The following EXTL3 variants were observed in gnomAD, a reference collection of about 807,000 sequenced individuals.
The protein encoded by EXTL3 is exostosin like glycosyltransferase 3, also known as exostosin-like 3.
EXTL3 carries 27 observed loss-of-function variants against 69.3 expected under a neutral mutation model. The observed-to-expected ratio is 0.39, with a 90% CI of 0.29 to 0.54. The LOEUF is 0.54. Ranked by LOEUF, EXTL3 falls within the 20% of genes least tolerant of loss-of-function variation. The pLI is 0.69. For missense variants in EXTL3, 1,003 were observed against 1,231.8 expected (o/e 0.81, Z 2.78); for synonymous variants, 511 against 499.4 (o/e 1.02, Z -0.31).
At position 28,675,099 on chromosome 8, in the gene EXTL3, A is replaced by G. The variant is rs117850314; in HGVS notation, c.-52-38358A>G. Among the ~76,000 whole-genome samples, 82 of 152,298 alleles carry G rather than the reference A, an allele frequency of 5.4e-4. No individual in the cohort carries two copies. The East Asian group carries it at 0.014, about 26-fold the overall frequency. On this transcript the variant is annotated intron_variant, in intron 1 of 6. Coordinates refer to the EXTL3 transcript ENST00000523149. ...ACAGACAGAAATTCAGGGAATGTGT[A>G]TGGGAATGGATACTATGAGTGTGGG...
upstream of EXTL3, among the ~76,000 whole-genome samples, chr8:28,618,388 T>G (rs906748073): frequency 6.6e-6 from 1 of 151,952 alleles, no homozygotes; most frequent in Non-Finnish European, 1.5e-5. Context: ...CTGAGGGAAC[T>G]ATGGAAAAGA....
rs756057803 is a variant in EXTL3, at chr8:28,737,670, A to C, written c.2421+7A>C. ...TGCTGCCTTCTTTCACAAGGTAAGA[A>C]AAAGCTGGTAATAATGGCATCGACT... On this transcript the variant is annotated splice_region_variant and intron_variant, in intron 5 of 6. Transcript: ENST00000220562. The C allele has an allele frequency of 3.1e-6, 5 of 1,614,144 alleles. No homozygotes were observed. The South Asian group carries it at 5.5e-5, about 18-fold the overall frequency.
chr8:28,719,072 A>G (rs956690379), intron 3 of EXTL3, among the ~76,000 whole-genome samples: 1 of 152,166 alleles, frequency 6.6e-6, no homozygotes, highest in African/African-American at 2.4e-5. Context: ...ATATGTAGTT[A>G]CTTCCTGGCA....
chr8:28,719,320 C>T (rs1363958769), intron 3 of EXTL3, among the ~76,000 whole-genome samples: 1 of 152,152 alleles, frequency 6.6e-6, no homozygotes, highest in Non-Finnish European at 1.5e-5. Context: ...ACTAAGGATT[C>T]TAGAAAGGTG....
chr8:28,737,860 G>T (rs1185447016), intron 5 of EXTL3, among the ~76,000 whole-genome samples, 197 bp downstream of exon 5: 1 of 152,164 alleles, frequency 6.6e-6, no homozygotes, highest in Admixed American at 6.5e-5. Context: ...AAGATGAGAG[G>T]GCTGCCTGTA....
chr8:28,652,401 A>G (rs1364046041), intron 1 of EXTL3, among the ~76,000 whole-genome samples: 3 of 152,068 alleles, frequency 2.0e-5, no homozygotes, highest in Admixed American at 6.6e-5. Context: ...TCATGCCTGT[A>G]AACCCAGCAT....
At chr8:28,613,913 G>A (rs1806300288) in intron 2 of EXTL3, among the ~76,000 whole-genome samples, 1 of 151,490 alleles carries the variant, frequency 6.6e-6, no homozygotes, top group East Asian at 2.0e-4. Flanking sequence ...TTGACCTCCT[G>A]GGCTCAAACG....
Position 28,716,472 on chromosome 8 carries a change from C to G in EXTL3, c.413C>G (p.Thr138Ser). 6.2e-7 allele frequency: 1 copy of G among 1,613,930 alleles called. No homozygotes were observed. Among genetic ancestry groups the G allele is most frequent in the Non-Finnish European group, 8.5e-7 (1 of 1,179,996 alleles). Residue 138 changes from threonine to serine, a missense_variant, in exon 3 of 7, where the codon ACC becomes AGC. Coordinates refer to ENST00000220562, the MANE Select transcript of EXTL3 (RefSeq NM_001440.4). The surrounding 1 kb of genome is among the most constrained non-coding windows in gnomAD (Gnocchi z 7.1). ...CAGCTCAAGAATGTCATCAGCCAGA[C>G]CGAGCATTCCTACAAGGAGCTCATG... ...LLQLKNVISQTEHSYKELMAQ... is the reference protein window; with the variant it reads ...LLQLKNVISQSEHSYKELMAQ...
At chr8:28,609,314 T>A (rs1458776894) in intron 2 of EXTL3, among the ~76,000 whole-genome samples, 2 of 151,824 alleles carry the variant, frequency 1.3e-5, no homozygotes, top group African/African-American at 2.4e-5. Context: ...AAACTTGATA[T>A]GGTGCATATT....
intron 1 of EXTL3, among the ~76,000 whole-genome samples, chr8:28,675,514 T>C (rs1807367068): frequency 6.6e-6 from 1 of 152,182 alleles, no homozygotes; most frequent in Non-Finnish European, 1.5e-5. Flanking sequence ...TACACTCTTC[T>C]ATCTAATAAA....
intron 1 of EXTL3, among the ~76,000 whole-genome samples, chr8:28,653,301 T>G (rs1337066842): frequency 2.6e-5 from 4 of 152,224 alleles, no homozygotes; most frequent in Non-Finnish European, 5.9e-5. Flanking sequence ...TTATACATAT[T>G]TTCTCCCATT....
At chr8:28,613,427 G>A (rs1806295031) in intron 2 of EXTL3, among the ~76,000 whole-genome samples, 1 of 151,996 alleles carries the variant, frequency 6.6e-6, no homozygotes, top group African/African-American at 2.4e-5. Context: ...CGTGACCCAC[G>A]TGCCTCAGCC....
intron 1 of EXTL3, among the ~76,000 whole-genome samples, chr8:28,693,683 G>C (rs1800649187): frequency 6.6e-6 from 1 of 152,170 alleles, no homozygotes; most frequent in Non-Finnish European, 1.5e-5. Context: ...ACAAAAACCA[G>C]CCACTTTTAA....
At position 28,726,981 on chromosome 8, in the gene EXTL3, C is replaced by T. The variant is rs767898008; in HGVS notation, c.2149-4242C>T. ...GTAACCTCCACTTCCTGGGTTCAAG[C>T]GATTCTCCTGCCTCAGCCTCCTGAG... On this transcript the variant is annotated intron_variant, in intron 3 of 6. Coordinates refer to ENST00000220562, the MANE Select transcript of EXTL3 (RefSeq NM_001440.4). Among the ~76,000 whole-genome samples, 9 of 147,908 alleles carry T rather than the reference C, an allele frequency of 6.1e-5. No homozygotes were observed. The East Asian group carries it at 9.9e-4, about 16-fold the overall frequency.
chr8:28,750,994 C>A lies in EXTL3; in HGVS notation c.*128C>A. 1 of 778,012 alleles carries A rather than the reference C, an allele frequency of 1.3e-6. No homozygotes were observed. Among genetic ancestry groups the A allele is most frequent in the Middle Eastern group, 3.5e-4 (1 of 2,818 alleles). The allele number at this position is 778,012 out of a possible 1,614,324, so 48.2% of individuals were successfully genotyped here. ...CCAGAGCCTCTGCTGGAAGGGGCAG[C>A]AGGAGGAGTGGAAGGAAACCGCTGC... is the stretch of plus-strand genomic sequence containing the variant. On this transcript the variant is annotated 3_prime_UTR_variant, in exon 7 of 7. Transcript: ENST00000220562. The surrounding 1 kb of genome is among the most constrained non-coding windows in gnomAD (Gnocchi z 5.2).
rs111388187 is a variant in EXTL3, at chr8:28,709,493, C to T, written c.-569-3964C>T. On this transcript the variant is annotated intron_variant, in intron 1 of 6. Coordinates refer to ENST00000220562, the MANE Select transcript of EXTL3 (RefSeq NM_001440.4). ...GAGCAGTGACTCCCTTCTTCCCTGTCGCGCCTCCTGTCTCTCCTGTCTCTC... is the reference window on the plus strand; with the variant it reads ...GAGCAGTGACTCCCTTCTTCCCTGTTGCGCCTCCTGTCTCTCCTGTCTCTC... 2.4e-4 allele frequency among the ~76,000 whole-genome samples: 36 copies of T among 151,994 alleles called. No individual in the cohort carries two copies. In the East Asian group the frequency reaches 5.6e-3, roughly 24 times the overall value.
At chr8:28,715,217 G>A (rs1266072479) in intron 2 of EXTL3, among the ~76,000 whole-genome samples, 1 of 152,178 alleles carries the variant, frequency 6.6e-6, no homozygotes, top group Non-Finnish European at 1.5e-5. Flanking sequence ...AGGTATTTCT[G>A]TTCATCTAAA....
In EXTL3 at chr8:28,651,560, A is replaced by G. The variant is rs565893611; in HGVS notation, c.-53+28750A>G. On this transcript the variant is annotated intron_variant, in intron 1 of 6. Coordinates refer to the EXTL3 transcript ENST00000523149. Reference sequence around the variant, plus strand: ...GGCTAATCTCAAACTCCTGGGCTCAAGTGATCCTCCTGCCTCAGCCTTCCA... The same window carrying G: ...GGCTAATCTCAAACTCCTGGGCTCAGGTGATCCTCCTGCCTCAGCCTTCCA... 1.0e-3 allele frequency among the ~76,000 whole-genome samples: 155 copies of G among 152,268 alleles called. 1 individual carries two copies. Among genetic ancestry groups the G allele is most frequent in the South Asian group, 2.3e-3 (11 of 4,822 alleles).
At chr8:28,652,300 A>T (rs1806936213) in intron 1 of EXTL3, among the ~76,000 whole-genome samples, 1 of 152,002 alleles carries the variant, frequency 6.6e-6, no homozygotes, top group Admixed American at 6.6e-5. Context: ...CTACATTCCC[A>T]CCAGCAATGT....
Sources: gnomAD v4.1 joint callset for allele counts (sites outside exome capture counted in the v4.1 genomes callset) on GRCh38, gnomAD v4.1.1 for gene constraint, Gnocchi (gnomAD v3.1) non-coding constraint, MANE v1.5 for transcripts, NCBI Gene and HGNC (gene_info 2026-07-23, HGNC 2026-07-21) for gene names.